Variants in PHC2 observed in about 807,000 individuals in gnomAD.
PHC2 encodes polyhomeotic homolog 2, also known as polyhomeotic-like protein 2.
In PHC2, 29 loss-of-function variants were observed where a neutral mutation model predicts 87.4. That is an observed-to-expected ratio of 0.33 (90% CI 0.25 to 0.45). The LOEUF is 0.45. PHC2 is among the 20% of genes least tolerant of loss of function. The pLI is 1.00. For missense variants in PHC2, 857 were observed against 1,136.7 expected, an observed-to-expected ratio of 0.75 and a Z score of 3.54; for synonymous variants, 438 against 461.7, an observed-to-expected ratio of 0.95 and a Z score of 0.66.
At chr1:33,375,231 A>G (rs949896429) in intron 2 of PHC2, 135 bp downstream of exon 2, 7 of 675,610 alleles carry the variant, frequency 1.0e-5, no homozygotes, top group Middle Eastern at 3.0e-4. Flanking sequence ...ACAAATGTGT[A>G]TCTACGAACT....
chr1:33,356,249 T>TTATATATATATATATATATATGTA (rs1553185621), intron 7 of PHC2, among the ~76,000 whole-genome samples: 3 of 101,542 alleles, frequency 3.0e-5, no homozygotes, highest in East Asian at 3.1e-4. Flanking sequence ...GTGAAAATTC[T>TTATATATATATATATATATATGTA]TATATATATA....
chr1:33,335,864 C>A (rs1570451820), intron 9 of PHC2, among the ~76,000 whole-genome samples: 1 of 151,966 alleles, frequency 6.6e-6, no homozygotes, highest in Admixed American at 6.5e-5. Flanking sequence ...CTCGCCACCC[C>A]CCTCCAGCCT....
intron 1 of PHC2, among the ~76,000 whole-genome samples, chr1:33,380,826 G>A (rs539796281): frequency 1.3e-5 from 2 of 152,240 alleles, no homozygotes; most frequent in East Asian, 3.9e-4. Flanking sequence ...TGTGGGATGT[G>A]AAACCCTCCA....
intron 1 of PHC2, among the ~76,000 whole-genome samples, chr1:33,389,545 C>A (rs1327628413): frequency 6.6e-6 from 1 of 152,168 alleles, no homozygotes; most frequent in Non-Finnish European, 1.5e-5. Flanking sequence ...CTTGCTTCTG[C>A]CCTGGCAACT....
At chr1:33,402,835 C>T (rs985140444) in intron 1 of PHC2, among the ~76,000 whole-genome samples, 1 of 150,866 alleles carries the variant, frequency 6.6e-6, no homozygotes, top group Non-Finnish European at 1.5e-5. Context: ...AGGGAAAACT[C>T]TTTTTTTTGA....
chr1:33,331,681 T>C lies in PHC2; in HGVS notation c.1892-219A>G. On this transcript the variant is annotated intron_variant, in intron 11 of 14. Transcript: ENST00000683057. The surrounding 1 kb of genome is among the most constrained non-coding windows in gnomAD (Gnocchi z 5.2). Reference sequence around the variant, plus strand: ...GCCCCTTGTAGACTTGACATTTTTTTCTTCCACGTGGTCTGAGTCTGAGGC... The same window carrying C: ...GCCCCTTGTAGACTTGACATTTTTTCCTTCCACGTGGTCTGAGTCTGAGGC... The C allele has an allele frequency of 2.1e-6, 1 of 465,388 alleles. No individual in the cohort carries two copies. The highest frequency in any genetic ancestry group is 4.2e-5 in the South Asian group (1 of 24,016). 28.8% of individuals were successfully genotyped at this position (465,388 alleles called of 1,614,324 possible). A position where few individuals can be genotyped will look rare whatever the true frequency, so the allele number is the denominator to read the frequency against.
In PHC2 at chr1:33,367,132, G is replaced by T; in HGVS notation, c.960C>A (p.His320Gln). 6.2e-7 allele frequency: 1 copy of T among 1,606,902 alleles called. No individual in the cohort carries two copies. Among genetic ancestry groups the T allele is most frequent in the Non-Finnish European group, 8.5e-7 (1 of 1,174,764 alleles). The stretch of plus-strand genomic sequence containing the variant: ...AGACCTTACCTGGTGCAATGAGGGG[G>T]TGGGCAGCCACAGCAGGAACCGTCC... The part of the protein sequence containing the change: ...LSRTVPAVAA[H>Q]PLIAPAYAQL... Residue 320 changes from histidine (H) to glutamine (Q), a missense_variant, in exon 7 of 15, where the codon CAC becomes CAA. His to Gln is a conservative substitution (Grantham distance 24). Around this residue, in one of 3 missense-constraint regions of PHC2, gnomAD observed 832 missense variants for 1,081.8 expected, o/e 0.77. Transcript: ENST00000683057.
intron 1 of PHC2, among the ~76,000 whole-genome samples, chr1:33,398,746 C>T (rs755029904): frequency 6.6e-6 from 1 of 152,154 alleles, no homozygotes; most frequent in African/African-American, 2.4e-5. Context: ...AGCTATATTC[C>T]AGTAGATACA....
At chr1:33,346,655 T>C in intron 9 of PHC2, 1 of 985,438 alleles carries the variant, frequency 1.0e-6, no homozygotes, top group South Asian at 4.7e-5. Context: ...CTAGGTTTTT[T>C]AAACTTTAAC....
At chr1:33,418,324 C>G (rs1650291300) in intron 1 of PHC2, among the ~76,000 whole-genome samples, 1 of 151,210 alleles carries the variant, frequency 6.6e-6, no homozygotes, top group Non-Finnish European at 1.5e-5. Context: ...AAACCTCTAG[C>G]CAGATTGATC....
At chr1:33,347,304 A>G (rs955505559) in intron 9 of PHC2, 96 of 985,266 alleles carry the variant, frequency 9.7e-5, no homozygotes, top group Non-Finnish European at 1.2e-4. Flanking sequence ...TGAAGGAGGC[A>G]GAGAATGCAG....
chr1:33,401,064 C>A (rs771310537), intron 1 of PHC2, among the ~76,000 whole-genome samples: 3 of 152,204 alleles, frequency 2.0e-5, no homozygotes, highest in Admixed American at 2.0e-4. Flanking sequence ...TGGTGGCTCA[C>A]GTCTGTAATC....
chr1:33,332,489 A>C lies in PHC2; in HGVS notation c.1762-85T>G. 1 of 1,512,128 alleles carries C rather than the reference A, an allele frequency of 6.6e-7. No individual in the cohort carries two copies. Among genetic ancestry groups the C allele is most frequent in the South Asian group, 1.1e-5 (1 of 87,776 alleles). The allele number at this position is 1,512,128 out of a possible 1,614,324, so 93.7% of individuals were successfully genotyped here. On this transcript the variant is annotated intron_variant, in intron 10 of 14. Coordinates refer to ENST00000683057, the MANE Select transcript of PHC2 (RefSeq NM_001385109.1). This position sits in a 1 kb window ranked among gnomAD's most constrained non-coding sequence, Gnocchi z 4.2. ...CATCCTCATCACAATTACACGTATA[A>C]AGTATCCAGGCACAGAGGCCAGCCC...
rs1200568967 is a variant in PHC2 at position 33,331,745 on chromosome 1, G to GTT, written c.1892-284_1892-283insAA. On this transcript the variant is annotated intron_variant, in intron 11 of 14. Coordinates refer to ENST00000683057, the MANE Select transcript of PHC2 (RefSeq NM_001385109.1). The surrounding 1 kb of genome is among the most constrained non-coding windows in gnomAD (Gnocchi z 5.2). The stretch of plus-strand genomic sequence containing the variant: ...GGAAGAATCAGCATCAAATGACTGT[G>GTT]GAAGAAAGCAGGAGCCCCCAGGAAA... 2.7e-6 allele frequency: 1 copy of GTT among 365,894 alleles called. No individual in the cohort carries two copies. The highest frequency in any genetic ancestry group is 4.9e-6 in the Non-Finnish European group (1 of 202,128). 22.7% of individuals were successfully genotyped at this position (365,894 alleles called of 1,614,324 possible). A position where few individuals can be genotyped will look rare whatever the true frequency, so the allele number is the denominator to read the frequency against.
chr1:33,412,233 T>C (rs1161346610), intron 1 of PHC2, among the ~76,000 whole-genome samples: 12 of 152,242 alleles, frequency 7.9e-5, no homozygotes, highest in Non-Finnish European at 5.9e-5. Flanking sequence ...TTGATCGAGG[T>C]CACAAGATAC....
chr1:33,351,985 A>G lies in PHC2; in HGVS notation c.1558+2416T>C, dbSNP rs77424683. On this transcript the variant is annotated intron_variant, in intron 9 of 14. Coordinates refer to ENST00000683057, the MANE Select transcript of PHC2 (RefSeq NM_001385109.1). ...AAAAAAAAAAAAAGACATACACAGA[A>G]TGGATATTTAAGTCTTGGGTGGTTG... Among the ~76,000 whole-genome samples the G allele has an allele frequency of 7.2e-4, 108 of 150,680 alleles. 1 individual carries two copies. In the East Asian group the frequency reaches 0.018, roughly 25 times the overall value.
chr1:33,372,016 T>C (rs1647876120), intron 3 of PHC2, among the ~76,000 whole-genome samples: 1 of 152,220 alleles, frequency 6.6e-6, no homozygotes, highest in Non-Finnish European at 1.5e-5. Flanking sequence ...GTCCTTTCCC[T>C]AGACCTGCGG....
intron 1 of PHC2, among the ~76,000 whole-genome samples, chr1:33,403,514 A>G (rs1649633451): frequency 6.6e-6 from 1 of 152,214 alleles, no homozygotes; most frequent in Admixed American, 6.5e-5. Context: ...GGTGTCTTCT[A>G]AAGTTCTGTT....
intron 9 of PHC2, chr1:33,346,323 T>G: frequency 1.0e-6 from 1 of 985,440 alleles, no homozygotes; most frequent in Middle Eastern, 5.2e-4. Flanking sequence ...CAACCACTTT[T>G]GTGAGATTCC....
Sources: gnomAD v4.1 joint callset for allele counts (sites outside exome capture counted in the v4.1 genomes callset) on GRCh38, gnomAD v4.1.1 for gene constraint, gnomAD v4.1.1 regional missense constraint, Gnocchi (gnomAD v3.1) non-coding constraint, MANE v1.5 for transcripts, NCBI Gene and HGNC (gene_info 2026-07-23, HGNC 2026-07-21) for gene names.